CELF2: variants seen among roughly 807,000 people sequenced by gnomAD.
The protein encoded by CELF2 is CUGBP Elav-like family member 2, also known as CUG triplet repeat RNA-binding protein 2.
A neutral mutation model predicts 62.6 loss-of-function variants in CELF2; 8 were observed. The observed-to-expected ratio is 0.13, with a 90% CI of 0.07 to 0.23. CELF2 has a LOEUF of 0.23. CELF2 is among the 10% of genes least tolerant of loss of function. The pLI is 1.00. For missense variants in CELF2, 333 were observed against 671.0 expected (o/e 0.50, Z 5.56); for synonymous variants, 258 against 250.0 (o/e 1.03, Z -0.30).
chr10:10,711,115 A>G, the CELF2 span, among the ~76,000 whole-genome samples: 7 of 152,272 alleles, frequency 4.6e-5, no homozygotes, highest in East Asian at 1.4e-3. Flanking sequence ...CAACAGCAGC[A>G]TCCTCCCAGT....
At chr10:11,103,292 G>C (rs2052326620) in intron 1 of CELF2, among the ~76,000 whole-genome samples, 2 of 151,284 alleles carry the variant, frequency 1.3e-5, no homozygotes, top group African/African-American at 2.4e-5. Flanking sequence ...ATTCAACTCA[G>C]ATGTAATTTT....
At chr10:10,639,176 T>G in the CELF2 span, among the ~76,000 whole-genome samples, 122 of 152,366 alleles carry the variant, frequency 8.0e-4, no homozygotes, top group African/African-American at 2.9e-3. Context: ...ATTGTGTGAT[T>G]GGCACTGACA....
At chr10:10,568,672 G>A in the CELF2 span, among the ~76,000 whole-genome samples, 9 of 152,262 alleles carry the variant, frequency 5.9e-5, no homozygotes, top group Non-Finnish European at 8.8e-5. Context: ...GAGGCATGGC[G>A]GTTTGTGGAT....
chr10:10,927,353 A>AAAAAAAAAAAAAC lies in CELF2; in HGVS notation c.89+7366_89+7367insCAAAAAAAAAAAA, dbSNP rs1554884952. ...AGGAGAACCTAGTGACATTAAAAAA[A>AAAAAAAAAAAAAC]AAAAAAAAAAAAACACCTTTTTCTG... On this transcript the variant is annotated intron_variant, in intron 2 of 13. Coordinates refer to the CELF2 transcript ENST00000636488. 2.4e-4 allele frequency: 32 copies of AAAAAAAAAAAAAC among 135,664 alleles called. 2 individuals are homozygous for AAAAAAAAAAAAAC. Among genetic ancestry groups the AAAAAAAAAAAAAC allele is most frequent in the African/African-American group, 7.4e-4 (29 of 39,400 alleles). The allele number at this position is 135,664 out of a possible 1,614,324, so 8.4% of individuals were successfully genotyped here.
chr10:11,121,113 A>G (rs2057656308), intron 1 of CELF2, among the ~76,000 whole-genome samples: 1 of 152,218 alleles, frequency 6.6e-6, no homozygotes, highest in South Asian at 2.1e-4. Context: ...TTATAAGTCT[A>G]CACAATTGGA....
At chr10:10,704,071 CTG>C in the CELF2 span, among the ~76,000 whole-genome samples, 1 of 152,220 alleles carries the variant, frequency 6.6e-6, no homozygotes, top group Non-Finnish European at 1.5e-5. Flanking sequence ...CTTCAGTACT[CTG>C]TAAGCCAGAT....
At chr10:11,257,371 T>G (rs943183) in intron 4 of CELF2, among the ~76,000 whole-genome samples, 5,991 of 149,260 alleles carry the variant, frequency 0.04, 229 homozygotes, top group African/African-American at 0.099. Context: ...ATAAAATCTG[T>G]ATCCAAAAAT....
At chr10:10,686,320 G>GA in the CELF2 span, among the ~76,000 whole-genome samples, 12 of 97,356 alleles carry the variant, frequency 1.2e-4, no homozygotes, top group African/African-American at 4.6e-4. Context: ...TGGGGGGGGG[G>GA]GTGGGGTGGG....
intron 1 of CELF2, among the ~76,000 whole-genome samples, chr10:11,040,367 A>C (rs1175249861): frequency 6.6e-6 from 1 of 152,248 alleles, no homozygotes; most frequent in Non-Finnish European, 1.5e-5. Context: ...CTAATCTGCT[A>C]TAATAACATC....
At chr10:11,066,063 T>A (rs2068062166) in intron 1 of CELF2, among the ~76,000 whole-genome samples, 1 of 151,874 alleles carries the variant, frequency 6.6e-6, no homozygotes, top group Admixed American at 6.6e-5. Context: ...TGAGAGGGCG[T>A]AGGGAGGAGG....
chr10:10,638,117 G>T, the CELF2 span, among the ~76,000 whole-genome samples: 2 of 152,178 alleles, frequency 1.3e-5, no homozygotes, highest in Admixed American at 1.3e-4. Context: ...GTGTCTCTTT[G>T]GTACAGGAAA....
At chr10:11,250,245 A>G (rs1028271102) in intron 4 of CELF2, among the ~76,000 whole-genome samples, 3 of 152,230 alleles carry the variant, frequency 2.0e-5, no homozygotes, top group East Asian at 1.9e-4. Context: ...GCAGCGGCCC[A>G]TACCTGTAGT....
At position 11,262,362 on chromosome 10, in the gene CELF2, A is replaced by G. The variant is rs556954489; in HGVS notation, c.539-4236A>G. Among the ~76,000 whole-genome samples, 4 of 152,338 alleles carry G rather than the reference A, an allele frequency of 2.6e-5. No homozygotes were observed. In the South Asian group the frequency reaches 8.3e-4, roughly 32 times the overall value. ...AAGACCAGCCTGGGCAAACACAGCG[A>G]GATGCTGTCTCAAAACAACAACAAC... is the stretch of plus-strand genomic sequence containing the variant. On this transcript the variant is annotated intron_variant, in intron 5 of 12. Transcript: ENST00000633077.
chr10:11,107,111 C>G (rs774453037), intron 1 of CELF2, among the ~76,000 whole-genome samples: 1 of 152,178 alleles, frequency 6.6e-6, no homozygotes, highest in Non-Finnish European at 1.5e-5. Context: ...ATACCGGTTT[C>G]CTCAGCGGCT....
chr10:11,180,251 C>T (rs2072846049), intron 2 of CELF2, among the ~76,000 whole-genome samples: 1 of 152,160 alleles, frequency 6.6e-6, no homozygotes, highest in Non-Finnish European at 1.5e-5. Flanking sequence ...CAGAAAGCGG[C>T]AACAAGAGTG....
chr10:11,016,391 A>T (rs1189844443), upstream of CELF2, among the ~76,000 whole-genome samples: 2 of 152,256 alleles, frequency 1.3e-5, no homozygotes, highest in African/African-American at 4.8e-5. The surrounding 1 kb of genome is among the most constrained non-coding windows in gnomAD (Gnocchi z 5.2). Flanking sequence ...TGATCTTGGA[A>T]ATAGAAGGTC....
chr10:11,099,401 CTGGCGTGG>C (rs1350509291), intron 1 of CELF2, among the ~76,000 whole-genome samples: 8 of 152,206 alleles, frequency 5.3e-5, no homozygotes, highest in African/African-American at 1.7e-4. Flanking sequence ...TCAATAAATT[CTGGCGTGG>C]TTTCCCTCCA....
chr10:11,135,984 G>A (rs897010267), intron 1 of CELF2, among the ~76,000 whole-genome samples: 6 of 152,164 alleles, frequency 3.9e-5, no homozygotes, highest in Non-Finnish European at 7.4e-5. Context: ...GAATAGTTAC[G>A]TCCATTCAGC....
At chr10:10,488,378 C>T in the CELF2 span, among the ~76,000 whole-genome samples, 1 of 152,040 alleles carries the variant, frequency 6.6e-6, no homozygotes, top group African/African-American at 2.4e-5. Flanking sequence ...TGTCAGTTTC[C>T]TCATCTGCAA....
Sources: gnomAD v4.1 joint callset for allele counts (sites outside exome capture counted in the v4.1 genomes callset) on GRCh38, gnomAD v4.1.1 for gene constraint, Gnocchi (gnomAD v3.1) non-coding constraint, MANE v1.5 for transcripts, NCBI Gene and HGNC (gene_info 2026-07-23, HGNC 2026-07-21) for gene names.